FNBP1L: variants seen among roughly 807,000 people sequenced by gnomAD.
FNBP1L encodes the protein formin binding protein 1 like.
A neutral mutation model predicts 91.2 loss-of-function variants in FNBP1L; 36 were observed. The ratio of observed to expected loss-of-function variants is 0.39; its 90% CI spans 0.30 to 0.52. The LOEUF is 0.52. FNBP1L is among the 20% of genes least tolerant of loss of function. The probability of loss-of-function intolerance (pLI) is 0.66; values close to 1 mark genes in which losing one functional copy is unlikely to be tolerated. For missense variants in FNBP1L, 571 were observed against 732.1 expected (o/e 0.78, Z 2.54); for synonymous variants, 242 against 237.0 (o/e 1.02, Z -0.19).
intron 2 of FNBP1L, among the ~76,000 whole-genome samples, chr1:93,500,556 A>G (rs1311867125): frequency 2.0e-5 from 3 of 149,516 alleles, no homozygotes; most frequent in East Asian, 3.8e-4. Flanking sequence ...TTCTCCAGAA[A>G]TACTAGCAGA....
At chr1:93,477,911 TCTTA>T (rs1234320248) in intron 1 of FNBP1L, among the ~76,000 whole-genome samples, 1 of 152,236 alleles carries the variant, frequency 6.6e-6, no homozygotes, top group Non-Finnish European at 1.5e-5. Flanking sequence ...TTAACAGTCC[TCTTA>T]CTTTCTATAA....
chr1:93,468,673 T>C (rs1669179345), intron 1 of FNBP1L, among the ~76,000 whole-genome samples: 1 of 152,166 alleles, frequency 6.6e-6, no homozygotes, highest in Non-Finnish European at 1.5e-5. Context: ...TCAAGCAGTC[T>C]GCCTGCCTCG....
At chr1:93,547,907 T>A (rs1672294852) in intron 14 of FNBP1L, among the ~76,000 whole-genome samples, 1 of 152,166 alleles carries the variant, frequency 6.6e-6, no homozygotes, top group Non-Finnish European at 1.5e-5. Flanking sequence ...GTATTATATC[T>A]TTTTTTCCAG....
rs916502235 is a variant in FNBP1L at position 93,529,818 on chromosome 1, T to C, written c.510+62T>C. On this transcript the variant is annotated intron_variant, in intron 6 of 16. Coordinates refer to ENST00000271234, the MANE Select transcript of FNBP1L (RefSeq NM_001164473.3). ...ATTATTATTTGCATAAGGAAAGTAG[T>C]CACGACATTTGTATGACTACAGTAT... 4 of 973,090 alleles carry C rather than the reference T, an allele frequency of 4.1e-6. No individual in the cohort carries two copies. In the African/African-American group the frequency reaches 6.7e-5, roughly 16 times the overall value. 60.3% of individuals were successfully genotyped at this position (973,090 alleles called of 1,614,324 possible). A position where few individuals can be genotyped will look rare whatever the true frequency, so the allele number is the denominator to read the frequency against.
intron 1 of FNBP1L, among the ~76,000 whole-genome samples, chr1:93,449,059 GTC>G (rs1350387410): frequency 6.6e-6 from 1 of 152,240 alleles, no homozygotes; most frequent in Non-Finnish European, 1.5e-5. Context: ...GGAGCGTACG[GTC>G]TCCCTGTTGC....
intron 12 of FNBP1L, among the ~76,000 whole-genome samples, chr1:93,544,764 A>G (rs559633967): frequency 6.6e-6 from 1 of 152,292 alleles, no homozygotes; most frequent in South Asian, 2.1e-4. Context: ...TTCACTTACG[A>G]TAAAATTGGG....
chr1:93,470,230 A>G (rs1371015219), intron 1 of FNBP1L, among the ~76,000 whole-genome samples: 1 of 152,130 alleles, frequency 6.6e-6, no homozygotes. Context: ...TCCTGGGCTC[A>G]AGTGAGCATC....
In FNBP1L at chr1:93,536,323, C is replaced by G; in HGVS notation, c.991-9C>G. Reference sequence around the variant, plus strand: ...GGCTTATTGATTCCTTTCTTTATTTCCATATTAGCCACAGTCCCCACCCTT... The same window carrying G: ...GGCTTATTGATTCCTTTCTTTATTTGCATATTAGCCACAGTCCCCACCCTT... On this transcript the variant is annotated splice_polypyrimidine_tract_variant and intron_variant, in intron 9 of 16. Coordinates refer to ENST00000271234, the MANE Select transcript of FNBP1L (RefSeq NM_001164473.3). 1 of 1,443,012 alleles carries G rather than the reference C, an allele frequency of 6.9e-7. No individual in the cohort carries two copies. The highest frequency in any genetic ancestry group is 9.1e-7 in the Non-Finnish European group (1 of 1,095,394). The allele number at this position is 1,443,012 out of a possible 1,614,324, so 89.4% of individuals were successfully genotyped here. A position where few individuals can be genotyped will look rare whatever the true frequency, so the allele number is the denominator to read the frequency against.
chr1:93,471,615 C>T (rs1481965156), intron 1 of FNBP1L, among the ~76,000 whole-genome samples: 3 of 152,158 alleles, frequency 2.0e-5, no homozygotes, highest in Non-Finnish European at 4.4e-5. Context: ...TTGCTTGAGC[C>T]GGGGAGGTGG....
At position 93,545,595 on chromosome 1, in the gene FNBP1L, G is replaced by A. The variant is rs559021229; in HGVS notation, c.1275-1247G>A. Among the ~76,000 whole-genome samples the A allele has an allele frequency of 3.3e-5, 5 of 152,224 alleles. No homozygotes were observed. The South Asian group carries it at 8.3e-4, about 25-fold the overall frequency. On this transcript the variant is annotated intron_variant, in intron 12 of 16. Transcript: ENST00000271234. Reference sequence around the variant, plus strand: ...AGTTCTGTAGGTACTACAGTCCCCAGTTATTGAGAGAAGGGGTAACATTAT... The same window carrying A: ...AGTTCTGTAGGTACTACAGTCCCCAATTATTGAGAGAAGGGGTAACATTAT...
chr1:93,527,288 A>G (rs181614934), intron 5 of FNBP1L, among the ~76,000 whole-genome samples: 3 of 152,280 alleles, frequency 2.0e-5, no homozygotes, highest in Admixed American at 6.5e-5. Flanking sequence ...GAAATTGCTA[A>G]CTGCTAGGGA....
At chr1:93,551,969 T>C (rs189552420) in intron 16 of FNBP1L, 489 of 989,600 alleles carry the variant, frequency 4.9e-4, no homozygotes, top group Non-Finnish European at 5.4e-4. Context: ...CATTTGAAGA[T>C]AGAGGAAACC....
At chr1:93,537,351 T>G (rs1557816812) in intron 10 of FNBP1L, among the ~76,000 whole-genome samples, 1 of 152,094 alleles carries the variant, frequency 6.6e-6, no homozygotes, top group Non-Finnish European at 1.5e-5. Context: ...GTTGTTTCGT[T>G]CTTCCTTCTT....
intron 1 of FNBP1L, among the ~76,000 whole-genome samples, chr1:93,485,799 C>A (rs749533625): frequency 6.6e-6 from 1 of 152,152 alleles, no homozygotes; most frequent in Admixed American, 6.5e-5. Context: ...CGGGTTCAAA[C>A]GATTCTCCTG....
Position 93,499,456 on chromosome 1 carries a change from T to C in FNBP1L, c.25-12T>C. On this transcript the variant is annotated splice_polypyrimidine_tract_variant and intron_variant, in intron 1 of 16. Coordinates refer to ENST00000271234, the MANE Select transcript of FNBP1L (RefSeq NM_001164473.3). The stretch of plus-strand genomic sequence containing the variant: ...AGACTTTTGAAAATGCATTTTTATC[T>C]TCCTTTTCCAGGATCAGTTCGACAG... The C allele has an allele frequency of 1.3e-6, 2 of 1,538,150 alleles. No individual in the cohort carries two copies. Among genetic ancestry groups the C allele is most frequent in the Non-Finnish European group, 8.8e-7 (1 of 1,131,004 alleles).
chr1:93,501,673 C>A (rs938709831), intron 2 of FNBP1L, among the ~76,000 whole-genome samples: 2 of 152,032 alleles, frequency 1.3e-5, no homozygotes, highest in Admixed American at 6.6e-5. Context: ...GTCAAACAAA[C>A]CATATCCAAA....
intron 2 of FNBP1L, among the ~76,000 whole-genome samples, chr1:93,514,013 A>G (rs917096093): frequency 3.3e-5 from 5 of 152,122 alleles, no homozygotes; most frequent in Non-Finnish European, 5.9e-5. Flanking sequence ...TTGTATATCT[A>G]GAAAACCCCA....
intron 2 of FNBP1L, among the ~76,000 whole-genome samples, chr1:93,515,080 C>G (rs1288328823): frequency 1.3e-5 from 2 of 152,152 alleles, no homozygotes; most frequent in Non-Finnish European, 2.9e-5. Context: ...AAGAAAAAAA[C>G]AACCCCATCA....
At chr1:93,538,709 A>T (rs1671927949) in intron 10 of FNBP1L, among the ~76,000 whole-genome samples, 1 of 152,128 alleles carries the variant, frequency 6.6e-6, no homozygotes, top group African/African-American at 2.4e-5. Flanking sequence ...TTTTACATGG[A>T]ATTTTCAGTC....
Sources: allele counts gnomAD v4.1 joint callset (sites outside exome capture counted in the v4.1 genomes callset), GRCh38; gene constraint gnomAD v4.1.1; transcripts MANE v1.5; gene names NCBI Gene and HGNC (gene_info 2026-07-23, HGNC 2026-07-21).